Variants in TTLL1 observed in about 807,000 individuals in gnomAD.
The protein encoded by TTLL1 is TTL family tubulin polyglutamylase complex subunit L1.
TTLL1 carries 33 observed loss-of-function variants against 47.8 expected under a neutral mutation model. The ratio of observed to expected loss-of-function variants is 0.69; its 90% confidence interval spans 0.52 to 0.92. The LOEUF is 0.92. Ranked by LOEUF, TTLL1 falls within the 40% of genes least tolerant of loss-of-function variation. The pLI is 0.00. For missense variants in TTLL1, 488 were observed against 547.5 expected, an observed-to-expected ratio of 0.89 and a Z score of 1.08; for synonymous variants, 225 against 214.1, an observed-to-expected ratio of 1.05 and a Z score of -0.45.
Position 43,046,565 on chromosome 22 carries a change from C to T in TTLL1, c.987G>A (p.Ala329=). The T allele has an allele frequency of 6.2e-6, 10 of 1,613,908 alleles. No individual in the cohort carries two copies. Among genetic ancestry groups the T allele is most frequent in the Non-Finnish European group, 8.5e-6 (10 of 1,179,850 alleles). The part of the protein sequence containing the change: ...KLKPWLIEVN[A]SPSLTSSTAN... ...CAGTGCTGGACGTGAGAGACGGGGA[C>T]GCATTCACCTGTGAGATGAAAGACC... The change falls in exon 10 of 11, where the codon GCG becomes GCA. Residue 329 remains alanine (A), a synonymous_variant. Transcript: ENST00000266254.
At chr22:43,059,818 T>TGGG in intron 7 of TTLL1, among the ~76,000 whole-genome samples, 1 of 152,186 alleles carries the variant, frequency 6.6e-6, no homozygotes. Flanking sequence ...GCCTCTCAAG[T>TGGG]AACTGGGACT....
chr22:43,060,212 G>T (rs991838164), intron 7 of TTLL1, among the ~76,000 whole-genome samples: 1 of 152,160 alleles, frequency 6.6e-6, no homozygotes, highest in Non-Finnish European at 1.5e-5. Context: ...GAGTGCTGCC[G>T]GGATACCCTT....
At chr22:43,073,787 T>C (rs993524595) in intron 3 of TTLL1, among the ~76,000 whole-genome samples, 1 of 152,056 alleles carries the variant, frequency 6.6e-6, no homozygotes, top group Admixed American at 6.6e-5. Flanking sequence ...ATTGTACATT[T>C]AGTGCTTAGA....
rs762018762 is a variant in TTLL1, at chr22:43,069,810, C to T, written c.148G>A (p.Val50Ile). The change falls in exon 4 of 11, where the codon GTT (valine) becomes ATT (isoleucine). Residue 50 changes from valine to isoleucine, a missense_variant. Physicochemically the swap from Val to Ile is conservative, Grantham distance 29. Transcript: ENST00000266254. The part of the protein sequence containing the change: ...SVQTIRNVFS[V>I]EAGYRLSDDQ... ...TCTGAGAGCCGATATCCAGCTTCAA[C>T]GCTGAACACATTTCGGATGGTTTGC... is the stretch of plus-strand genomic sequence containing the variant. 62 of 1,614,100 alleles carry T rather than the reference C, an allele frequency of 3.8e-5. No homozygotes were observed. The Admixed American group carries it at 8.0e-4, about 21-fold the overall frequency.
chr22:43,075,389 A>G (rs1323612615), intron 3 of TTLL1, 85 bp downstream of exon 3: 1 of 1,117,312 alleles, frequency 9.0e-7, no homozygotes, highest in East Asian at 2.3e-5. Flanking sequence ...AGTGGCTCTG[A>G]GGCCACTCTC....
intron 8 of TTLL1, among the ~76,000 whole-genome samples, chr22:43,059,155 A>T (rs956097428): frequency 6.6e-6 from 1 of 150,588 alleles, no homozygotes; most frequent in African/African-American, 2.5e-5. Context: ...ATGCCCGGCT[A>T]ATTTTTGTAT....
At position 43,064,236 on chromosome 22, in the gene TTLL1, G is replaced by A. The variant is rs1927580639; in HGVS notation, c.592C>T (p.Arg198Cys). The A allele has an allele frequency of 1.9e-6, 3 of 1,614,036 alleles. No individual in the cohort carries two copies. Among genetic ancestry groups the A allele is most frequent in the African/African-American group, 1.3e-5 (1 of 74,938 alleles). ...TACGTGGACACCAGAACGTACAAGC[G>A]CAGGTCGAACTTCCTCCCGCCAATT... ...LLIGGRKFDL[R>C]LYVLVSTYRP... Residue 198 changes from arginine (R) to cysteine (C), a missense_variant, in exon 6 of 11, where the codon CGC becomes TGC. Coordinates refer to ENST00000266254, the MANE Select transcript of TTLL1 (RefSeq NM_012263.5).
chr22:43,085,126 G>A (rs1457481016), intron 1 of TTLL1, among the ~76,000 whole-genome samples: 1 of 152,002 alleles, frequency 6.6e-6, no homozygotes, highest in Non-Finnish European at 1.5e-5. Flanking sequence ...ACAGGCGCAT[G>A]CCACCATGCC....
chr22:43,052,162 C>T, intron 8 of TTLL1: 1 of 442,822 alleles, frequency 2.3e-6, no homozygotes, highest in South Asian at 2.1e-5. Context: ...CCCAACCCCT[C>T]TGTTGGCGTG....
At chr22:43,060,479 T>C (rs919868964) in intron 7 of TTLL1, among the ~76,000 whole-genome samples, 4 of 142,460 alleles carry the variant, frequency 2.8e-5, no homozygotes, top group Non-Finnish European at 4.5e-5. Context: ...GAGTCTTTCC[T>C]GGGGAAGCCA....
intron 4 of TTLL1, 119 bp from the exon 5 acceptor site, chr22:43,068,709 G>A (rs1927911880): frequency 1.4e-5 from 12 of 861,022 alleles, no homozygotes; most frequent in South Asian, 7.3e-5. Flanking sequence ...CCGCAACCCA[G>A]CAGCTAACAG....
chr22:43,056,290 C>T (rs1248700210), intron 8 of TTLL1, among the ~76,000 whole-genome samples: 1 of 147,236 alleles, frequency 6.8e-6, no homozygotes, highest in Admixed American at 6.9e-5. Context: ...ACCTGGGAGG[C>T]GGAGGTTGCA....
rs182901976 is a variant in TTLL1 at position 43,081,778 on chromosome 22, A to C, written c.-89-1792T>G. Among the ~76,000 whole-genome samples, 511 of 147,942 alleles carry C rather than the reference A, an allele frequency of 3.5e-3. 1 individual carries two copies. The highest frequency in any genetic ancestry group is 4.9e-3 in the Non-Finnish European group (330 of 67,524). On this transcript the variant is annotated intron_variant, in intron 1 of 10. Transcript: ENST00000266254. The stretch of plus-strand genomic sequence containing the variant: ...TGGCCAGGTTGGTCTTGAACTCCTG[A>C]CCTCATGATCCACCCGCTTCGGCCT...
chr22:43,077,147 C>A (rs1928560999), intron 2 of TTLL1, among the ~76,000 whole-genome samples: 1 of 152,058 alleles, frequency 6.6e-6, no homozygotes. Flanking sequence ...CATTTAATAA[C>A]CTCCATGACT....
intron 10 of TTLL1, among the ~76,000 whole-genome samples, chr22:43,042,674 G>A (rs1569407138): frequency 1.3e-5 from 2 of 152,168 alleles, no homozygotes; most frequent in African/African-American, 2.4e-5. Flanking sequence ...GGGCGGCGCC[G>A]CTCAGATGAC....
intron 1 of TTLL1, among the ~76,000 whole-genome samples, chr22:43,087,964 A>T (rs2146999382): frequency 6.6e-6 from 1 of 152,006 alleles, no homozygotes; most frequent in African/African-American, 2.4e-5. Flanking sequence ...CCTGGCCAAC[A>T]TGGCGAAACC....
intron 7 of TTLL1, among the ~76,000 whole-genome samples, chr22:43,063,419 C>T (rs1234483326): frequency 1.3e-5 from 2 of 151,882 alleles, no homozygotes; most frequent in Non-Finnish European, 2.9e-5. Context: ...TATACCCACC[C>T]TGTTCTTGCA....
At chr22:43,069,120 T>C (rs1019896453) in intron 4 of TTLL1, among the ~76,000 whole-genome samples, 1 of 147,960 alleles carries the variant, frequency 6.8e-6, no homozygotes, top group African/African-American at 2.5e-5. Context: ...CTCACGTCTA[T>C]AATCCCAGCA....
At chr22:43,041,869 A>C (rs887127239) in intron 10 of TTLL1, among the ~76,000 whole-genome samples, 3 of 152,120 alleles carry the variant, frequency 2.0e-5, no homozygotes, top group Admixed American at 6.6e-5. Context: ...CAGGCTCTGC[A>C]CCAGGGTGGA....
Sources: allele counts gnomAD v4.1 joint callset (sites outside exome capture counted in the v4.1 genomes callset), GRCh38; gene constraint gnomAD v4.1.1; transcripts MANE v1.5; gene names NCBI Gene and HGNC (gene_info 2026-07-23, HGNC 2026-07-21).